USP32: variants seen among roughly 807,000 people sequenced by gnomAD.
USP32 encodes the protein ubiquitin specific peptidase 32.
USP32 carries 59 observed loss-of-function variants against 204.8 expected under a neutral mutation model. That is an observed-to-expected ratio of 0.29 (90% CI 0.23 to 0.36). The LOEUF (loss-of-function observed/expected upper bound fraction) is 0.36. Among genes scored for constraint, USP32 ranks in the 10% least tolerant of loss-of-function variants. The pLI is 1.00. For missense variants in USP32, 1,160 were observed against 1,946.4 expected, an observed-to-expected ratio of 0.60 and a Z score of 7.60; for synonymous variants, 517 against 678.4, an observed-to-expected ratio of 0.76 and a Z score of 3.70.
intron 1 of USP32, among the ~76,000 whole-genome samples, chr17:60,360,095 C>G (rs2089171453): frequency 6.6e-6 from 1 of 151,490 alleles, no homozygotes; most frequent in African/African-American, 2.4e-5. Flanking sequence ...GTCTTGATCT[C>G]CTGACCTCGT....
At chr17:60,268,762 A>G (rs1274745338) in intron 7 of USP32, among the ~76,000 whole-genome samples, 3 of 152,164 alleles carry the variant, frequency 2.0e-5, no homozygotes, top group Non-Finnish European at 1.5e-5. Flanking sequence ...TATTAAATCA[A>G]TTGAGCGCAT....
intron 16 of USP32, among the ~76,000 whole-genome samples, chr17:60,217,063 C>G (rs1344948701): frequency 1.3e-5 from 2 of 152,100 alleles, no homozygotes; most frequent in African/African-American, 4.8e-5. Flanking sequence ...GTATAGTATT[C>G]AAGTCAATCT....
In USP32 at chr17:60,236,152, C is replaced by G. The variant is rs1282502616; in HGVS notation, c.1225G>C (p.Glu409Gln). 6.2e-7 allele frequency: 1 copy of G among 1,613,800 alleles called. No individual in the cohort carries two copies. Among genetic ancestry groups the G allele is most frequent in the Non-Finnish European group, 8.5e-7 (1 of 1,179,728 alleles). The stretch of plus-strand genomic sequence containing the variant: ...ATCTAACTCACGTATTTGACATATT[C>G]TTTCCACTGTTGCCACCACTGCATG... ...ISMQWWQQWKEYVKYDANPVV... is the reference protein window; with the variant it reads ...ISMQWWQQWKQYVKYDANPVV... The change falls in exon 12 of 34, where the codon GAA (glutamate) becomes CAA (glutamine). Residue 409 changes from glutamate to glutamine, a missense_variant. Around this residue, in one of 8 missense-constraint regions of USP32, gnomAD observed 536 missense variants for 680.9 expected, o/e 0.79. Coordinates refer to ENST00000300896, the MANE Select transcript of USP32 (RefSeq NM_032582.4).
chr17:60,243,526 CA>C, intron 11 of USP32, among the ~76,000 whole-genome samples: 1 of 152,258 alleles, frequency 6.6e-6, no homozygotes, highest in Middle Eastern at 3.4e-3. Context: ...TTCCCTTCCC[CA>C]AAGTTGTGAA....
In USP32 at chr17:60,179,065, G is replaced by C. The variant is rs1216154284; in HGVS notation, c.*190C>G. On this transcript the variant is annotated 3_prime_UTR_variant, in exon 34 of 34. Transcript: ENST00000300896. ...AAGTTCTCTATCGGAGAGCTTGTAT[G>C]AGACTTCAAAATAAAATGATTACTA... 1.5e-6 allele frequency: 1 copy of C among 676,088 alleles called. No individual in the cohort carries two copies. Among genetic ancestry groups the C allele is most frequent in the Admixed American group, 3.3e-5 (1 of 29,894 alleles). The allele number at this position is 676,088 out of a possible 1,614,324, so 41.9% of individuals were successfully genotyped here. A position where few individuals can be genotyped will look rare whatever the true frequency, so the allele number is the denominator to read the frequency against.
intron 33 of USP32, among the ~76,000 whole-genome samples, chr17:60,180,015 T>C (rs1284597242): frequency 6.6e-6 from 1 of 151,486 alleles, no homozygotes. Flanking sequence ...AGTTTTTGCA[T>C]TAACTAACTC....
chr17:60,180,662 T>C, intron 32 of USP32, 25 bp from the exon 33 acceptor site: 3 of 1,608,714 alleles, frequency 1.9e-6, no homozygotes, highest in Non-Finnish European at 2.6e-6. Context: ...AGAGTGGAGG[T>C]ATGTTAGCAG....
chr17:60,377,229 G>A (rs558230723), intron 1 of USP32, among the ~76,000 whole-genome samples: 7 of 152,154 alleles, frequency 4.6e-5, no homozygotes, highest in Non-Finnish European at 1.0e-4. Context: ...GGAGGCCAAG[G>A]CAGGAGGATC....
At chr17:60,391,000 C>T (rs1352325863) in intron 1 of USP32, among the ~76,000 whole-genome samples, 1 of 152,144 alleles carries the variant, frequency 6.6e-6, no homozygotes, top group African/African-American at 2.4e-5. Flanking sequence ...TCATGGACAG[C>T]GGTATCAGAG....
At chr17:60,225,302 C>A (rs1025162775) in intron 13 of USP32, among the ~76,000 whole-genome samples, 1 of 151,700 alleles carries the variant, frequency 6.6e-6, no homozygotes, top group Non-Finnish European at 1.5e-5. Flanking sequence ...TAAAAACACA[C>A]AAAAAATGGC....
At position 60,255,303 on chromosome 17, in the gene USP32, T is replaced by TC; in HGVS notation, c.991-46_991-45insG. The TC allele has an allele frequency of 2.1e-6, 3 of 1,454,854 alleles. No homozygotes were observed. In the Admixed American group the frequency reaches 6.2e-5, roughly 30 times the overall value. 90.1% of individuals were successfully genotyped at this position (1,454,854 alleles called of 1,614,324 possible). On this transcript the variant is annotated intron_variant, in intron 9 of 33. Transcript: ENST00000300896. ...GTTAGGAACATCTTTTTTTTCTTTT[T>TC]TTTTTTTTTTTTGAGACGGAGTCTC...
chr17:60,197,161 C>CAA (rs1301515468), intron 27 of USP32, among the ~76,000 whole-genome samples: 1 of 151,258 alleles, frequency 6.6e-6, no homozygotes, highest in Non-Finnish European at 1.5e-5. Context: ...GCCTGGGTGA[C>CAA]AAATTAAGAA....
chr17:60,266,310 C>G (rs1029174297), intron 7 of USP32, among the ~76,000 whole-genome samples: 8 of 152,248 alleles, frequency 5.3e-5, no homozygotes, highest in African/African-American at 1.9e-4. Context: ...AATCATTATT[C>G]AGATATAAGA....
At chr17:60,321,143 G>A (rs2088103504) in intron 2 of USP32, among the ~76,000 whole-genome samples, 2 of 152,264 alleles carry the variant, frequency 1.3e-5, no homozygotes, top group South Asian at 4.1e-4. Context: ...CAGGAAAGTT[G>A]TCTTTTGAAC....
chr17:60,369,379 C>T (rs2089392609), intron 1 of USP32, among the ~76,000 whole-genome samples: 6 of 147,594 alleles, frequency 4.1e-5, no homozygotes, highest in Admixed American at 4.0e-4. Flanking sequence ...TCACTTGAAC[C>T]CAGAAGTTCA....
Position 60,209,469 on chromosome 17 carries a change from G to C in USP32, c.2499C>G (p.Leu833=). 1 of 1,600,612 alleles carries C rather than the reference G, an allele frequency of 6.2e-7. No individual in the cohort carries two copies. Among genetic ancestry groups the C allele is most frequent in the East Asian group, 2.3e-5 (1 of 44,228 alleles). ...QQDSQELLAF[L]LDGLHEDLNR... ...TAAGATCTTCATGAAGACCATCCAA[G>C]AGAAAAGCCAGAAGTTCTTGGGAGT... is the stretch of plus-strand genomic sequence containing the variant. Residue 833 remains leucine (L), a synonymous_variant, in exon 22 of 34, where the codon CTC becomes CTG. Transcript: ENST00000300896.
At chr17:60,245,932 C>T (rs906872383) in intron 11 of USP32, among the ~76,000 whole-genome samples, 3 of 150,716 alleles carry the variant, frequency 2.0e-5, no homozygotes, top group Non-Finnish European at 4.4e-5. Context: ...TTTTGGGGTA[C>T]ATGTGATATT....
At chr17:60,197,536 G>A (rs1357825402) in intron 27 of USP32, among the ~76,000 whole-genome samples, 1 of 152,130 alleles carries the variant, frequency 6.6e-6, no homozygotes, top group Non-Finnish European at 1.5e-5. Flanking sequence ...CCCAGGAGGT[G>A]GAGGCTGCAG....
At chr17:60,307,885 A>T (rs1391536623) in intron 2 of USP32, among the ~76,000 whole-genome samples, 1 of 152,226 alleles carries the variant, frequency 6.6e-6, no homozygotes, top group Admixed American at 6.5e-5. Context: ...ATATCAGCAG[A>T]AGAACGCACA....
Sources: allele counts gnomAD v4.1 joint callset (sites outside exome capture counted in the v4.1 genomes callset), GRCh38; gene constraint gnomAD v4.1.1; regional missense constraint gnomAD v4.1.1; transcripts MANE v1.5; gene names NCBI Gene and HGNC (gene_info 2026-07-23, HGNC 2026-07-21).